PTPRR: variants seen among roughly 807,000 people sequenced by gnomAD.
PTPRR encodes the protein protein tyrosine phosphatase receptor type R, also known as receptor-type tyrosine-protein phosphatase R.
In PTPRR, 38 loss-of-function variants were observed where a neutral mutation model predicts 77.2. The ratio of observed to expected loss-of-function variants is 0.49; its 90% CI spans 0.38 to 0.65. The LOEUF (loss-of-function observed/expected upper bound fraction) is 0.65. PTPRR is among the 30% of genes least tolerant of loss of function. The pLI, the probability that PTPRR is intolerant of heterozygous loss-of-function variation, is 0.00. For missense variants in PTPRR, 744 were observed against 799.2 expected, an observed-to-expected ratio of 0.93 and a Z score of 0.83; for synonymous variants, 299 against 283.1, an observed-to-expected ratio of 1.06 and a Z score of -0.57.
At chr12:70,896,577 A>G (rs1893432421) in intron 1 of PTPRR, among the ~76,000 whole-genome samples, 1 of 151,788 alleles carries the variant, frequency 6.6e-6, no homozygotes, top group Non-Finnish European at 1.5e-5. Context: ...AGAAAAGAAG[A>G]ATATTTCCAA....
At chr12:70,836,543 T>C (rs560726414) in intron 2 of PTPRR, among the ~76,000 whole-genome samples, 1 of 152,162 alleles carries the variant, frequency 6.6e-6, no homozygotes, top group African/African-American at 2.4e-5. Context: ...CCATACCCCA[T>C]GTAATCTAGC....
intron 6 of PTPRR, among the ~76,000 whole-genome samples, chr12:70,724,034 T>G (rs1031591380): frequency 6.6e-6 from 1 of 152,030 alleles, no homozygotes; most frequent in African/African-American, 2.4e-5. Flanking sequence ...GAGAGCAAAA[T>G]GTTTGCAAAA....
chr12:70,824,952 A>G (rs1006264876), intron 2 of PTPRR, among the ~76,000 whole-genome samples: 3 of 152,166 alleles, frequency 2.0e-5, no homozygotes, highest in African/African-American at 7.2e-5. Flanking sequence ...TAGGTAGGCA[A>G]TATCGTTGCT....
chr12:70,702,731 T>C (rs1888475584), intron 6 of PTPRR, among the ~76,000 whole-genome samples: 1 of 152,234 alleles, frequency 6.6e-6, no homozygotes, highest in South Asian at 2.1e-4. Context: ...ATTGAGATTT[T>C]AATTTCTACT....
At chr12:70,684,021 C>T in intron 10 of PTPRR, 106 bp downstream of exon 10, 1 of 1,240,442 alleles carries the variant, frequency 8.1e-7, no homozygotes, top group Non-Finnish European at 1.1e-6. Context: ...TTAAATGTCT[C>T]AGAGTTTCCA....
At chr12:70,911,682 A>G (rs1893701322) in intron 1 of PTPRR, among the ~76,000 whole-genome samples, 1 of 147,860 alleles carries the variant, frequency 6.8e-6, no homozygotes, top group Non-Finnish European at 1.5e-5. Flanking sequence ...GTCCACTACA[A>G]ACCTGCACAT....
At chr12:70,767,249 T>C (rs1890848813) in intron 2 of PTPRR, among the ~76,000 whole-genome samples, 1 of 152,028 alleles carries the variant, frequency 6.6e-6, no homozygotes, top group Non-Finnish European at 1.5e-5. Context: ...GACCCATCAG[T>C]GTGCTGTATT....
intron 2 of PTPRR, among the ~76,000 whole-genome samples, chr12:70,795,580 C>T (rs1041220865): frequency 6.6e-6 from 1 of 152,062 alleles, no homozygotes; most frequent in East Asian, 1.9e-4. Flanking sequence ...ATTATTTATA[C>T]AGTCCATTAG....
chr12:70,907,813 G>A (rs912632747), intron 1 of PTPRR, among the ~76,000 whole-genome samples: 10 of 152,110 alleles, frequency 6.6e-5, no homozygotes, highest in African/African-American at 2.4e-4. Context: ...TGGGAGGAGA[G>A]GTTGACAGGA....
intron 1 of PTPRR, among the ~76,000 whole-genome samples, chr12:70,906,615 A>G (rs549419289): frequency 2.5e-4 from 38 of 152,198 alleles, no homozygotes; most frequent in African/African-American, 9.1e-4. Flanking sequence ...ACCTCCCAAA[A>G]TACAACATAT....
At chr12:70,769,217 A>G (rs1329945395) in intron 2 of PTPRR, among the ~76,000 whole-genome samples, 4 of 150,248 alleles carry the variant, frequency 2.7e-5, no homozygotes, top group African/African-American at 9.9e-5. Flanking sequence ...AGGAAGTCAA[A>G]TTGTCCCTGT....
At chr12:70,840,508 C>T (rs945801961) in intron 2 of PTPRR, among the ~76,000 whole-genome samples, 2 of 152,054 alleles carry the variant, frequency 1.3e-5, no homozygotes, top group African/African-American at 4.8e-5. Flanking sequence ...CTTTGTGGGG[C>T]CATTATTTAG....
At chr12:70,820,238 TACTC>T (rs1367400979) in intron 2 of PTPRR, among the ~76,000 whole-genome samples, 1 of 152,232 alleles carries the variant, frequency 6.6e-6, no homozygotes, top group African/African-American at 2.4e-5. Context: ...CAGAAAATGA[TACTC>T]AATAGTCTGG....
Position 70,658,883 on chromosome 12 carries a change from G to GTTTTTTTTTTTTTTTTTTTTTTT in PTPRR, c.1766+2034_1766+2056dup, listed in dbSNP as rs746595856. Among the ~76,000 whole-genome samples the GTTTTTTTTTTTTTTTTTTTTTTT allele has an allele frequency of 1.4e-4, 5 of 36,936 alleles. 1 individual carries two copies. Among genetic ancestry groups the GTTTTTTTTTTTTTTTTTTTTTTT allele is most frequent in the Admixed American group, 8.9e-4 (2 of 2,254 alleles). The allele number at this position is 36,936 out of a possible 152,430, so 24.2% of individuals were successfully genotyped here. A position where few individuals can be genotyped will look rare whatever the true frequency, so the allele number is the denominator to read the frequency against. On this transcript the variant is annotated intron_variant, in intron 12 of 13. Coordinates refer to ENST00000283228, the MANE Select transcript of PTPRR (RefSeq NM_002849.4). ...TTCAACGTTAGGGACTTTTGCTCTA[G>GTTTTTTTTTTTTTTTTTTTTTTT]TTTTTTTTTTTTTTTTTTTTTTTTT... is the stretch of plus-strand genomic sequence containing the variant.
chr12:70,784,828 T>C (rs1891289319), intron 2 of PTPRR, among the ~76,000 whole-genome samples: 1 of 152,158 alleles, frequency 6.6e-6, no homozygotes, highest in Non-Finnish European at 1.5e-5. Flanking sequence ...GTCTTGAACA[T>C]AGTAACCAGG....
chr12:70,760,099 G>T (rs866267988), intron 4 of PTPRR, among the ~76,000 whole-genome samples: 1 of 152,148 alleles, frequency 6.6e-6, no homozygotes, highest in Non-Finnish European at 1.5e-5. Flanking sequence ...TTCTCATTGT[G>T]CCAAGTCATC....
intron 8 of PTPRR, among the ~76,000 whole-genome samples, chr12:70,695,930 C>T (rs1472324710): frequency 6.6e-6 from 1 of 151,942 alleles, no homozygotes; most frequent in Non-Finnish European, 1.5e-5. Flanking sequence ...AAGGGGAAGG[C>T]CAAAGATAGT....
intron 6 of PTPRR, among the ~76,000 whole-genome samples, chr12:70,731,532 T>C (rs1889662736): frequency 6.6e-6 from 1 of 152,202 alleles, no homozygotes; most frequent in Non-Finnish European, 1.5e-5. Context: ...AGGTTCAGGA[T>C]AGAGTCTCTT....
At chr12:70,820,321 CTCTTTTT>C (rs910703047) in intron 2 of PTPRR, among the ~76,000 whole-genome samples, 13 of 152,206 alleles carry the variant, frequency 8.5e-5, no homozygotes, top group Middle Eastern at 3.4e-3. Flanking sequence ...CTCCCCTGAG[CTCTTTTT>C]TCTTTTTTCT....
Sources: allele counts gnomAD v4.1 joint callset (sites outside exome capture counted in the v4.1 genomes callset), GRCh38; gene constraint gnomAD v4.1.1; transcripts MANE v1.5; gene names NCBI Gene and HGNC (gene_info 2026-07-23, HGNC 2026-07-21).